SLC24A2: variants seen among roughly 807,000 people sequenced by gnomAD.
SLC24A2 encodes the protein solute carrier family 24 member 2, also known as sodium/potassium/calcium exchanger 2.
A neutral mutation model predicts 62.0 loss-of-function variants in SLC24A2; 36 were observed. That is an observed-to-expected ratio of 0.58 (90% CI 0.44 to 0.77). The LOEUF (loss-of-function observed/expected upper bound fraction) is 0.77, where lower values mean the gene tolerates loss of function less well. Ranked by LOEUF, SLC24A2 falls within the 30% of genes least tolerant of loss-of-function variation. The pLI is 0.00. For synonymous variants in SLC24A2, 358 were observed against 294.0 expected (o/e 1.22, Z -2.23); for missense variants, 846 against 817.9 (o/e 1.03, Z -0.42).
the SLC24A2 span, among the ~76,000 whole-genome samples, chr9:20,075,365 A>G: frequency 6.6e-6 from 1 of 152,202 alleles, no homozygotes; most frequent in Non-Finnish European, 1.5e-5. Context: ...ATAACCTTGC[A>G]AAGTCATATT....
the SLC24A2 span, among the ~76,000 whole-genome samples, chr9:20,173,221 A>G: frequency 8.5e-5 from 13 of 152,090 alleles, no homozygotes; most frequent in Non-Finnish European, 1.8e-4. Flanking sequence ...CACAACCAAC[A>G]TAATACTGAA....
intron 6 of SLC24A2, among the ~76,000 whole-genome samples, chr9:19,575,270 T>C (rs1267878582): frequency 1.3e-5 from 2 of 152,198 alleles, no homozygotes; most frequent in African/African-American, 4.8e-5. Context: ...ATTCAGTTAT[T>C]TAAATAAAAA....
At chr9:20,180,262 A>G in the SLC24A2 span, among the ~76,000 whole-genome samples, 3 of 152,258 alleles carry the variant, frequency 2.0e-5, no homozygotes, top group Non-Finnish European at 4.4e-5. Context: ...CTGATTCAAG[A>G]CTTGCTATTA....
intron 5 of SLC24A2, among the ~76,000 whole-genome samples, chr9:19,581,901 CTCTCTTGTGG>C (rs756843435): frequency 7.2e-5 from 11 of 152,178 alleles, no homozygotes; most frequent in South Asian, 2.1e-4. Context: ...AAAAAATATA[CTCTCTTGTGG>C]TCTCTTGTGG....
chr9:20,201,572 CTT>C, the SLC24A2 span, among the ~76,000 whole-genome samples: 1 of 152,192 alleles, frequency 6.6e-6, no homozygotes, highest in Non-Finnish European at 1.5e-5. Flanking sequence ...GAAGAGGTGA[CTT>C]AATAGAATAG....
chr9:19,675,391 C>A (rs956789708), intron 2 of SLC24A2, among the ~76,000 whole-genome samples: 3 of 152,090 alleles, frequency 2.0e-5, no homozygotes, highest in African/African-American at 7.2e-5. Context: ...TAGGGAGGAT[C>A]AGGTGGTGGG....
At chr9:20,043,171 T>C in the SLC24A2 span, among the ~76,000 whole-genome samples, 1 of 152,196 alleles carries the variant, frequency 6.6e-6, no homozygotes, top group Non-Finnish European at 1.5e-5. Flanking sequence ...GCTAGGGCTC[T>C]TGCACCAGTT....
intron 2 of SLC24A2, among the ~76,000 whole-genome samples, chr9:19,638,928 C>G (rs1818424270): frequency 6.7e-6 from 1 of 150,086 alleles, no homozygotes; most frequent in South Asian, 2.2e-4. Context: ...GTCAGAATTT[C>G]TACCTTTGAA....
intron 7 of SLC24A2, among the ~76,000 whole-genome samples, chr9:19,555,306 A>T (rs1394644380): frequency 6.6e-6 from 1 of 152,240 alleles, no homozygotes; most frequent in East Asian, 1.9e-4. Context: ...GCACTAAGAA[A>T]AGTCAGACCT....
the SLC24A2 span, among the ~76,000 whole-genome samples, chr9:19,960,348 T>C: frequency 6.6e-6 from 1 of 152,212 alleles, no homozygotes; most frequent in Admixed American, 6.5e-5. Flanking sequence ...TTCTATTCTA[T>C]TCTATTTCTT....
At chr9:19,973,096 G>A in the SLC24A2 span, among the ~76,000 whole-genome samples, 1 of 152,250 alleles carries the variant, frequency 6.6e-6, no homozygotes, top group East Asian at 1.9e-4. Flanking sequence ...CCAGCTACTC[G>A]GGAGCCTGAG....
At chr9:19,738,276 G>A (rs925752933) in intron 2 of SLC24A2, among the ~76,000 whole-genome samples, 2 of 152,140 alleles carry the variant, frequency 1.3e-5, no homozygotes, top group African/African-American at 4.8e-5. Flanking sequence ...AAACTTTCAT[G>A]GCATCTGGAT....
At chr9:19,677,955 G>C (rs1339957697) in intron 2 of SLC24A2, among the ~76,000 whole-genome samples, 1 of 151,912 alleles carries the variant, frequency 6.6e-6, no homozygotes, top group Non-Finnish European at 1.5e-5. Context: ...CAATGACAGA[G>C]CCAGGTTCCA....
At chr9:19,839,065 C>T in the SLC24A2 span, among the ~76,000 whole-genome samples, 10 of 152,022 alleles carry the variant, frequency 6.6e-5, no homozygotes, top group Admixed American at 2.0e-4. Flanking sequence ...ACAACACCAT[C>T]AAAAAGGGGG....
chr9:19,542,011 A>ACTC (rs1211274964), intron 8 of SLC24A2, among the ~76,000 whole-genome samples: 1 of 151,960 alleles, frequency 6.6e-6, no homozygotes, highest in African/African-American at 2.4e-5. Flanking sequence ...CGGAAAGGGA[A>ACTC]CTCCCTGACC....
the SLC24A2 span, among the ~76,000 whole-genome samples, chr9:20,190,747 C>G: frequency 0.034 from 5,153 of 152,166 alleles, 214 homozygotes; most frequent in African/African-American, 0.095. Flanking sequence ...TTAAAAAAAT[C>G]CCTAGATTTA....
intron 2 of SLC24A2, among the ~76,000 whole-genome samples, chr9:19,689,373 AGATTGATACAGCTC>A (rs1819977718): frequency 6.6e-6 from 1 of 152,206 alleles, no homozygotes; most frequent in Non-Finnish European, 1.5e-5. Flanking sequence ...AGTCTCAATA[AGATTGATACAGCTC>A]CTATGATTTG....
At chr9:19,564,515 G>A (rs1456163669) in intron 7 of SLC24A2, among the ~76,000 whole-genome samples, 1 of 143,034 alleles carries the variant, frequency 7.0e-6, no homozygotes, top group African/African-American at 2.5e-5. Context: ...TCAGTCATCT[G>A]TTATCTACCT....
At chr9:20,033,566 T>C in the SLC24A2 span, among the ~76,000 whole-genome samples, 1 of 152,182 alleles carries the variant, frequency 6.6e-6, no homozygotes, top group Non-Finnish European at 1.5e-5. Flanking sequence ...TGTGGAGAAC[T>C]GAATAATTGC....
Sources: gnomAD v4.1 joint callset for allele counts (sites outside exome capture counted in the v4.1 genomes callset) on GRCh38, gnomAD v4.1.1 for gene constraint, MANE v1.5 for transcripts, NCBI Gene and HGNC (gene_info 2026-07-23, HGNC 2026-07-21) for gene names.